Variants in STAP1 observed in about 807,000 individuals in gnomAD.
STAP1 encodes signal transducing adaptor family member 1.
Under a neutral mutation model 37.8 loss-of-function variants are expected in STAP1, and 30 were observed. The ratio of observed to expected loss-of-function variants is 0.79; its 90% CI spans 0.59 to 1.08. The LOEUF is 1.08. Among genes scored for constraint, STAP1 ranks in the 50% least tolerant of loss-of-function variants. The pLI, the probability that STAP1 is intolerant of heterozygous loss-of-function variation, is 0.00. For missense variants in STAP1, 357 were observed against 349.4 expected (o/e 1.02, Z -0.17); for synonymous variants, 130 against 116.0 (o/e 1.12, Z -0.78).
At chr4:67,595,155 G>A (rs2109874403) in intron 8 of STAP1, among the ~76,000 whole-genome samples, 1 of 152,146 alleles carries the variant, frequency 6.6e-6, no homozygotes, top group African/African-American at 2.4e-5. Context: ...TTCACATTTA[G>A]ATCTATGATA....
intron 4 of STAP1, among the ~76,000 whole-genome samples, chr4:67,578,960 C>G (rs756517756): frequency 1.3e-5 from 2 of 151,892 alleles, no homozygotes; most frequent in African/African-American, 2.4e-5. Flanking sequence ...TCCCAAGTAG[C>G]TGGGATTAAA....
At chr4:67,583,723 T>C in intron 6 of STAP1, 21 bp downstream of exon 6, 5 of 1,604,048 alleles carry the variant, frequency 3.1e-6, no homozygotes, top group Non-Finnish European at 4.2e-6. Flanking sequence ...TTTTTTTAAA[T>C]GTATGGAATT....
intron 1 of STAP1, among the ~76,000 whole-genome samples, chr4:67,564,534 T>G (rs1727422348): frequency 6.6e-6 from 1 of 152,144 alleles, no homozygotes; most frequent in African/African-American, 2.4e-5. Context: ...ATGAGGCTGA[T>G]TAGGACGATG....
chr4:67,606,153 T>C (rs1448921150), intron 8 of STAP1, 143 bp from the exon 9 acceptor site: 1 of 579,156 alleles, frequency 1.7e-6, no homozygotes. Context: ...ATCTGAATAT[T>C]CAGTATTTAT....
In STAP1 at chr4:67,583,820, C is replaced by T. The variant is rs373472146; in HGVS notation, c.659+118C>T. 52 of 1,259,860 alleles carry T rather than the reference C, an allele frequency of 4.1e-5. 1 individual carries two copies. In the Admixed American group the frequency reaches 6.3e-4, roughly 15 times the overall value. The allele number at this position is 1,259,860 out of a possible 1,614,324, so 78.0% of individuals were successfully genotyped here. On this transcript the variant is annotated intron_variant, in intron 6 of 8. Transcript: ENST00000265404. ...GGCTGAAAATATGAACACAAGTGGC[C>T]GGGTGCGGTGGCTCACGCCTGTAAT...
Position 67,584,306 on chromosome 4 carries a change from G to A in STAP1, c.659+604G>A, listed in dbSNP as rs75334982. ...TATGCCAAGCAATACTCTAGGCACT[G>A]AGAATACGCAGTGAAAAAAACAAAC... On this transcript the variant is annotated intron_variant, in intron 6 of 8. Coordinates refer to ENST00000265404, the MANE Select transcript of STAP1 (RefSeq NM_012108.4). 2.0e-5 allele frequency among the ~76,000 whole-genome samples: 3 copies of A among 152,220 alleles called. No individual in the cohort carries two copies. The East Asian group carries it at 5.8e-4, about 29-fold the overall frequency.
intron 4 of STAP1, among the ~76,000 whole-genome samples, chr4:67,580,740 A>G (rs1273081117): frequency 1.3e-5 from 2 of 152,256 alleles, no homozygotes; most frequent in Admixed American, 1.3e-4. Flanking sequence ...AAAGGTAACA[A>G]CCACCACAAA....
intron 8 of STAP1, among the ~76,000 whole-genome samples, chr4:67,596,557 A>C (rs1359852953): frequency 6.6e-6 from 1 of 152,216 alleles, no homozygotes; most frequent in African/African-American, 2.4e-5. Context: ...GACTTATTGA[A>C]TAGTTTTGAC....
chr4:67,591,941 T>A (rs966693790), intron 7 of STAP1, among the ~76,000 whole-genome samples: 1 of 152,110 alleles, frequency 6.6e-6, no homozygotes, highest in South Asian at 2.1e-4. Flanking sequence ...AATAACTAAG[T>A]GACTACAAGC....
chr4:67,599,567 C>A (rs181405002), intron 8 of STAP1, among the ~76,000 whole-genome samples: 1 of 151,802 alleles, frequency 6.6e-6, no homozygotes, highest in Non-Finnish European at 1.5e-5. Flanking sequence ...CCTTTTAAAT[C>A]TCTGATAGTA....
intron 8 of STAP1, among the ~76,000 whole-genome samples, chr4:67,596,655 G>T (rs975434428): frequency 6.6e-6 from 1 of 152,232 alleles, no homozygotes; most frequent in African/African-American, 2.4e-5. Flanking sequence ...TCGAGTAAGA[G>T]TCATTCATGC....
At chr4:67,585,557 CTG>C (rs1432656264) in intron 6 of STAP1, among the ~76,000 whole-genome samples, 1 of 152,106 alleles carries the variant, frequency 6.6e-6, no homozygotes, top group Non-Finnish European at 1.5e-5. Flanking sequence ...GTATATATCT[CTG>C]TGTGTATATT....
chr4:67,583,562 T>C lies in STAP1; in HGVS notation c.531-12T>C, dbSNP rs1727911643. On this transcript the variant is annotated splice_polypyrimidine_tract_variant and intron_variant, in intron 5 of 8. Coordinates refer to ENST00000265404, the MANE Select transcript of STAP1 (RefSeq NM_012108.4). ...AAAAAAACAATTCTGTTTTTTTATC[T>C]CACCTCTGTAGATGTTTTTATACAG... is the stretch of plus-strand genomic sequence containing the variant. 2 of 1,583,012 alleles carry C rather than the reference T, an allele frequency of 1.3e-6. No homozygotes were observed. Among genetic ancestry groups the C allele is most frequent in the South Asian group, 2.3e-5 (2 of 85,126 alleles).
At position 67,581,451 on chromosome 4, in the gene STAP1, T is replaced by C. The variant is rs1727856528; in HGVS notation, c.510T>C (p.Asp170=). 1 of 1,612,588 alleles carries C rather than the reference T, an allele frequency of 6.2e-7. No homozygotes were observed. Among genetic ancestry groups the C allele is most frequent in the Non-Finnish European group, 8.5e-7 (1 of 1,179,540 alleles). Reference sequence around the variant, plus strand: ...AGGAACCAACTGAAGATTATGTGGATGTACTGAACCCTATGCCAGCGTAAG... The same window carrying C: ...AGGAACCAACTGAAGATTATGTGGACGTACTGAACCCTATGCCAGCGTAAG... The part of the protein sequence containing the change: ...KEKEPTEDYV[D]VLNPMPACFY... The change falls in exon 5 of 9, where the codon GAT becomes GAC. Residue 170 remains aspartate (D), a synonymous_variant. Coordinates refer to ENST00000265404, the MANE Select transcript of STAP1 (RefSeq NM_012108.4).
At position 67,577,182 on chromosome 4, in the gene STAP1, T is replaced by C. The variant is rs540157020; in HGVS notation, c.307-21T>C. 4 of 1,595,488 alleles carry C rather than the reference T, an allele frequency of 2.5e-6. No homozygotes were observed. In the South Asian group the frequency reaches 3.5e-5, roughly 14 times the overall value. On this transcript the variant is annotated intron_variant, in intron 3 of 8. Coordinates refer to ENST00000265404, the MANE Select transcript of STAP1 (RefSeq NM_012108.4). ...ATGTATTTCCTTCTTTGGCTTTATC[T>C]GTTTTTGTCTTCAACTTTAGACAGA...
rs1727920738 is a variant in STAP1, at chr4:67,583,801, A to G, written c.659+99A>G. 2.1e-6 allele frequency: 3 copies of G among 1,412,620 alleles called. No individual in the cohort carries two copies. The South Asian group carries it at 4.2e-5, about 20-fold the overall frequency. 87.5% of individuals were successfully genotyped at this position (1,412,620 alleles called of 1,614,324 possible). On this transcript the variant is annotated intron_variant, in intron 6 of 8. Transcript: ENST00000265404. ...CTGCTATGTGTTTCGTTGGGGCTGA[A>G]AATATGAACACAAGTGGCCGGGTGC...
At chr4:67,601,185 C>T (rs1728334723) in intron 8 of STAP1, among the ~76,000 whole-genome samples, 1 of 152,014 alleles carries the variant, frequency 6.6e-6, no homozygotes, top group African/African-American at 2.4e-5. Context: ...CATCTTATAA[C>T]CCATTATCTT....
rs749061335 is a variant in STAP1, at chr4:67,577,222, G to A, written c.326G>A (p.Gly109Glu). 2.5e-6 allele frequency: 4 copies of A among 1,610,242 alleles called. No homozygotes were observed. The South Asian group carries it at 4.4e-5, about 18-fold the overall frequency. The change falls in exon 4 of 9, where the codon GGG becomes GAG. Residue 109 changes from glycine (G) to glutamate (E), a missense_variant. By Grantham distance (98) the Gly-to-Glu change is moderately conservative (BLOSUM62 -2). Transcript: ENST00000265404. ...VQLKTENTESGEEWRGFILTV... is the reference protein window; with the variant it reads ...VQLKTENTESEEEWRGFILTV... The stretch of plus-strand genomic sequence containing the variant: ...CTTTAGACAGAGAACACAGAAAGTG[G>A]GGAAGAATGGAGAGGCTTCATTCTT...
At chr4:67,559,037 T>G in intron 1 of STAP1, 108 bp downstream of exon 1, 1 of 1,129,396 alleles carries the variant, frequency 8.9e-7, no homozygotes, top group South Asian at 2.4e-5. Flanking sequence ...TGAAATTAAA[T>G]CATCTTCTCT....
Sources: gnomAD v4.1 joint callset for allele counts (sites outside exome capture counted in the v4.1 genomes callset) on GRCh38, gnomAD v4.1.1 for gene constraint, MANE v1.5 for transcripts, NCBI Gene and HGNC (gene_info 2026-07-23, HGNC 2026-07-21) for gene names.